The following SLC25A26 variants were observed in gnomAD, a reference collection of about 807,000 sequenced individuals.
SLC25A26 encodes the protein mitochondrial S-adenosylmethionine carrier protein.
Under a neutral mutation model 37.8 loss-of-function variants are expected in SLC25A26, and 36 were observed. That is an observed-to-expected ratio of 0.95 (90% CI 0.73 to 1.26). The LOEUF (loss-of-function observed/expected upper bound fraction) is 1.26, where lower values mean the gene tolerates loss of function less well. Ranked by LOEUF, SLC25A26 falls within the 50% of genes most tolerant of loss-of-function variation. The pLI, the probability that SLC25A26 is intolerant of heterozygous loss-of-function variation, is 0.00. For missense variants in SLC25A26, 390 were observed against 331.1 expected, an observed-to-expected ratio of 1.18 and a Z score of -1.38; for synonymous variants, 129 against 122.5, an observed-to-expected ratio of 1.05 and a Z score of -0.35.
intron 5 of SLC25A26, among the ~76,000 whole-genome samples, chr3:66,335,710 C>G (rs973761276): frequency 3.3e-5 from 5 of 152,160 alleles, no homozygotes; most frequent in African/African-American, 1.2e-4. Flanking sequence ...AGACACCTCC[C>G]CTGCCTGCCT....
chr3:66,326,830 G>A (rs1224429488), intron 5 of SLC25A26, among the ~76,000 whole-genome samples: 2 of 152,126 alleles, frequency 1.3e-5, no homozygotes, highest in Admixed American at 1.3e-4. Context: ...GTAATTAATG[G>A]CAGAAAGCCC....
intron 5 of SLC25A26, among the ~76,000 whole-genome samples, chr3:66,299,485 T>G (rs2075008876): frequency 6.6e-6 from 1 of 152,180 alleles, no homozygotes; most frequent in Non-Finnish European, 1.5e-5. Context: ...CCGATGTGCT[T>G]GGCAAACAAA....
intron 7 of SLC25A26, among the ~76,000 whole-genome samples, chr3:66,369,067 AG>A (rs1700200296): frequency 8.4e-6 from 1 of 119,306 alleles, no homozygotes. Context: ...AAAAAACAAA[AG>A]ACAGTGGCCT....
At chr3:66,277,600 T>A (rs2074200072) in intron 5 of SLC25A26, among the ~76,000 whole-genome samples, 2 of 152,122 alleles carry the variant, frequency 1.3e-5, no homozygotes, top group Admixed American at 1.3e-4. Context: ...TTGCTCACTT[T>A]AATATATATA....
intron 6 of SLC25A26, among the ~76,000 whole-genome samples, chr3:66,361,547 T>C (rs1263644116): frequency 6.6e-6 from 1 of 152,240 alleles, no homozygotes; most frequent in Non-Finnish European, 1.5e-5. Flanking sequence ...AATGCAGTCA[T>C]TGAGATACGG....
intron 6 of SLC25A26, among the ~76,000 whole-genome samples, chr3:66,348,709 A>C (rs1039246406): frequency 6.6e-6 from 1 of 152,252 alleles, no homozygotes; most frequent in Non-Finnish European, 1.5e-5. Context: ...GTTAAGTATC[A>C]AGAAGTATTT....
rs143807105 is a variant in SLC25A26, at chr3:66,285,740, A to G, written c.453+22361A>G. Among the ~76,000 whole-genome samples the G allele has an allele frequency of 4.9e-3, 739 of 152,070 alleles. 11 individuals are homozygous for G. Among genetic ancestry groups the G allele is most frequent in the African/African-American group, 0.013 (541 of 41,470 alleles). Reference sequence around the variant, plus strand: ...CTCCCAAAGTGCTGGGATTACAGGCATGAGCCACCACGCCTGGCCCAAAAC... The same window carrying G: ...CTCCCAAAGTGCTGGGATTACAGGCGTGAGCCACCACGCCTGGCCCAAAAC... On this transcript the variant is annotated intron_variant, in intron 5 of 9. Coordinates refer to ENST00000354883, the MANE Select transcript of SLC25A26 (RefSeq NM_001379210.1).
At chr3:66,180,684 G>C (rs531797017) in intron 1 of SLC25A26, among the ~76,000 whole-genome samples, 29 of 151,536 alleles carry the variant, frequency 1.9e-4, no homozygotes, top group East Asian at 1.4e-3. Context: ...GACCTGATGA[G>C]ATTTTTTTAA....
chr3:66,143,994 G>T (rs1460464375), intron 1 of SLC25A26, among the ~76,000 whole-genome samples: 4 of 152,128 alleles, frequency 2.6e-5, no homozygotes, highest in Admixed American at 6.5e-5. Context: ...GGCCTGTGAA[G>T]CTAACACTGA....
chr3:66,189,437 ACCTCTCCCTGTCTGTGACCC>A (rs2070893591), intron 1 of SLC25A26, among the ~76,000 whole-genome samples: 3 of 151,398 alleles, frequency 2.0e-5, no homozygotes, highest in African/African-American at 7.3e-5. Flanking sequence ...TTTACGCTTA[ACCTCTCCCTGTCTGTGACCC>A]CCTCTCTCTG....
In SLC25A26 at chr3:66,299,020, T is replaced by C. The variant is rs555308300; in HGVS notation, c.453+35641T>C. 6.2e-4 allele frequency among the ~76,000 whole-genome samples: 95 copies of C among 152,336 alleles called. 1 individual carries two copies. The highest frequency in any genetic ancestry group is 2.2e-3 in the African/African-American group (92 of 41,574). ...GTGTGTAAACTTAGTTAACTAACTT[T>C]ATTTTGTTGAAAAGGGACCCTTGGT... is the stretch of plus-strand genomic sequence containing the variant. On this transcript the variant is annotated intron_variant, in intron 5 of 9. Transcript: ENST00000354883.
intron 5 of SLC25A26, among the ~76,000 whole-genome samples, chr3:66,322,802 A>G (rs9868690): frequency 0.042 from 6,423 of 152,268 alleles, 442 homozygotes; most frequent in African/African-American, 0.14. Context: ...CTAGACTTCA[A>G]TTATTTTGAG....
intron 1 of SLC25A26, among the ~76,000 whole-genome samples, chr3:66,180,799 T>C (rs1482664246): frequency 6.6e-6 from 1 of 152,180 alleles, no homozygotes; most frequent in East Asian, 1.9e-4. Context: ...GAATGAAACG[T>C]GTCCCCCTCA....
At chr3:66,153,341 A>C (rs117871075) in intron 1 of SLC25A26, among the ~76,000 whole-genome samples, 1 of 152,180 alleles carries the variant, frequency 6.6e-6, no homozygotes, top group Non-Finnish European at 1.5e-5. Flanking sequence ...ATTTATGTGC[A>C]ATGTATTCGG....
At chr3:66,348,039 C>T (rs1460503858) in intron 6 of SLC25A26, among the ~76,000 whole-genome samples, 1 of 152,156 alleles carries the variant, frequency 6.6e-6, no homozygotes, top group Non-Finnish European at 1.5e-5. Flanking sequence ...TAATACTTAG[C>T]TGATGGGTTG....
intron 5 of SLC25A26, among the ~76,000 whole-genome samples, chr3:66,270,907 T>A (rs1346087189): frequency 2.0e-5 from 3 of 152,224 alleles, no homozygotes; most frequent in Non-Finnish European, 4.4e-5. Flanking sequence ...TTTCATTCCT[T>A]GGACAAATTT....
At chr3:66,211,773 A>G (rs953141627) in intron 1 of SLC25A26, among the ~76,000 whole-genome samples, 1 of 152,222 alleles carries the variant, frequency 6.6e-6, no homozygotes, top group Admixed American at 6.5e-5. Flanking sequence ...AATGCATTCC[A>G]TCTCTTCTGA....
chr3:66,200,338 G>T (rs1282891457), intron 1 of SLC25A26, among the ~76,000 whole-genome samples: 3 of 152,180 alleles, frequency 2.0e-5, no homozygotes, highest in African/African-American at 7.2e-5. Context: ...GGTGCCGGGT[G>T]GGGTAAGCCA....
At chr3:66,223,427 G>A (rs967024823) in intron 1 of SLC25A26, among the ~76,000 whole-genome samples, 1 of 152,152 alleles carries the variant, frequency 6.6e-6, no homozygotes, top group Admixed American at 6.5e-5. Flanking sequence ...TTATGGGCTA[G>A]GGAAAATAAT....
Sources: gnomAD v4.1 joint callset for allele counts (sites outside exome capture counted in the v4.1 genomes callset) on GRCh38, gnomAD v4.1.1 for gene constraint, MANE v1.5 for transcripts, NCBI Gene and HGNC (gene_info 2026-07-23, HGNC 2026-07-21) for gene names.